The following CR1L variants were observed in gnomAD, a reference collection of about 807,000 sequenced individuals.
CR1L encodes the protein complement component receptor 1-like protein.
Under a neutral mutation model 62.3 loss-of-function variants are expected in CR1L, and 59 were observed. The ratio of observed to expected loss-of-function variants is 0.95; its 90% CI spans 0.77 to 1.18. The LOEUF (loss-of-function observed/expected upper bound fraction) is 1.18, where lower values mean the gene tolerates loss of function less well. Ranked by LOEUF, CR1L falls within the 50% of genes most tolerant of loss-of-function variation. The pLI, the probability that CR1L is intolerant of heterozygous loss-of-function variation, is 0.00. For synonymous variants in CR1L, 279 were observed against 248.7 expected (o/e 1.12, Z -1.15); for missense variants, 700 against 702.8 (o/e 1.00, Z 0.04).
At chr1:207,649,825 T>C (rs1488249310) in intron 1 of CR1L, among the ~76,000 whole-genome samples, 3 of 152,226 alleles carry the variant, frequency 2.0e-5, no homozygotes, top group Non-Finnish European at 4.4e-5. Flanking sequence ...CTCTGTCATA[T>C]AAATACTGCT....
chr1:207,662,609 A>G (rs1663443089), intron 1 of CR1L, among the ~76,000 whole-genome samples: 1 of 152,050 alleles, frequency 6.6e-6, no homozygotes, highest in Non-Finnish European at 1.5e-5. Flanking sequence ...CCTTTAGCTC[A>G]GAGTAGTTTG....
intron 1 of CR1L, among the ~76,000 whole-genome samples, chr1:207,651,905 T>TCAGA (rs1344884760): frequency 2.6e-5 from 4 of 152,248 alleles, no homozygotes; most frequent in African/African-American, 9.6e-5. Context: ...TATTCACTTG[T>TCAGA]CAGATGCTCA....
intron 1 of CR1L, chr1:207,669,388 C>G: frequency 9.7e-7 from 1 of 1,035,942 alleles, no homozygotes; most frequent in South Asian, 1.3e-5. Flanking sequence ...CTGCGCTTTT[C>G]CTCTTATTTC....
intron 10 of CR1L, among the ~76,000 whole-genome samples, chr1:207,716,075 A>C (rs1422524783): frequency 6.6e-6 from 1 of 152,242 alleles, no homozygotes; most frequent in Non-Finnish European, 1.5e-5. Context: ...ATTGAATGAC[A>C]TAGGGCTTCC....
chr1:207,678,265 C>T lies in CR1L; in HGVS notation c.345C>T (p.Phe115=), dbSNP rs374070385. 1.3e-4 allele frequency: 212 copies of T among 1,613,596 alleles called. No individual in the cohort carries two copies. The East Asian group carries it at 2.1e-3, about 16-fold the overall frequency. The part of the protein sequence containing the change: ...GMAHVIKDIQ[F]RSQIKYSCPK... ...CACATGTGATCAAAGACATCCAGTT[C>T]AGATCCCAAATTAAATATTCTTGTC... Residue 115 remains phenylalanine, a synonymous_variant, in exon 3 of 12, where the codon TTC becomes TTT. Coordinates refer to ENST00000508064, the MANE Select transcript of CR1L (RefSeq NM_175710.2).
In CR1L at chr1:207,677,555, G is replaced by A; in HGVS notation, c.264G>A (p.Lys88=). 1.2e-6 allele frequency: 2 copies of A among 1,613,672 alleles called. No individual in the cohort carries two copies. Among genetic ancestry groups the A allele is most frequent in the Non-Finnish European group, 1.7e-6 (2 of 1,179,762 alleles). ...AAAACTCAGTCTGGACAAGTGCTAA[G>A]GACAAGTGCAAACGTAAGTAACTCT... ...CLKNSVWTSA[K]DKCKRKSCRN... Residue 88 remains lysine, a synonymous_variant, in exon 2 of 12, where the codon AAG becomes AAA. Transcript: ENST00000508064.
rs371052617 is a variant in CR1L at position 207,717,669 on chromosome 1, C to G, written c.1620C>G (p.Arg540=). The G allele has an allele frequency of 1.2e-5, 19 of 1,613,888 alleles. No homozygotes were observed. Among genetic ancestry groups the G allele is most frequent in the Non-Finnish European group, 1.6e-5 (19 of 1,179,904 alleles). ...GGGTTTGGAGCAGCCCTGCCCCTCGCTGTGAACTTCCTGTTGGTGCTGGTC... is the reference window on the plus strand; with the variant it reads ...GGGTTTGGAGCAGCCCTGCCCCTCGGTGTGAACTTCCTGTTGGTGCTGGTC... The part of the protein sequence containing the change: ...GNGVWSSPAP[R]CELPVGAGSH... The change falls in exon 11 of 12, where the codon CGC becomes CGG. Residue 540 remains arginine, a synonymous_variant. Coordinates refer to ENST00000508064, the MANE Select transcript of CR1L (RefSeq NM_175710.2).
At chr1:207,722,629 T>C (rs1452403847) in intron 11 of CR1L, among the ~76,000 whole-genome samples, 1 of 152,190 alleles carries the variant, frequency 6.6e-6, no homozygotes, top group Non-Finnish European at 1.5e-5. Context: ...GGTAGTGTGA[T>C]AAAGTACCCT....
At chr1:207,720,029 C>T (rs1654094694) in intron 11 of CR1L, among the ~76,000 whole-genome samples, 1 of 152,192 alleles carries the variant, frequency 6.6e-6, no homozygotes, top group Admixed American at 6.5e-5. Flanking sequence ...AGGTCCCAAA[C>T]ACCAGATAAT....
intron 1 of CR1L, among the ~76,000 whole-genome samples, chr1:207,648,027 G>A (rs1453000982): frequency 1.3e-5 from 2 of 152,078 alleles, no homozygotes; most frequent in Non-Finnish European, 2.9e-5. Context: ...AGCCAGGTGT[G>A]ATGTTGCATG....
chr1:207,657,587 C>A (rs1663336706), intron 1 of CR1L, among the ~76,000 whole-genome samples: 1 of 150,834 alleles, frequency 6.6e-6, no homozygotes, highest in African/African-American at 2.4e-5. Context: ...TTTGAAAGAC[C>A]AAAAAAAATA....
intron 11 of CR1L, among the ~76,000 whole-genome samples, chr1:207,720,755 T>G (rs887708841): frequency 1.3e-5 from 2 of 152,230 alleles, no homozygotes; most frequent in Non-Finnish European, 2.9e-5. Flanking sequence ...AGAAAACATG[T>G]AAAAACTAAC....
rs57006663 is a variant in CR1L, at chr1:207,710,824, A to G, written c.1414+2561A>G. The stretch of plus-strand genomic sequence containing the variant: ...GGCCTAGAAGGGCCCTGCAAGTGAC[A>G]TGCATTGCTGTTGGATCAGGAGATG... On this transcript the variant is annotated intron_variant, in intron 10 of 11. Coordinates refer to ENST00000508064, the MANE Select transcript of CR1L (RefSeq NM_175710.2). The G allele has an allele frequency of 3.9e-3, 5,802 of 1,482,514 alleles. 201 individuals are homozygous for G. The African/African-American group carries it at 0.074, about 19-fold the overall frequency. The allele number at this position is 1,482,514 out of a possible 1,614,324, so 91.8% of individuals were successfully genotyped here.
At chr1:207,713,897 C>A (rs963893083) in intron 10 of CR1L, among the ~76,000 whole-genome samples, 1 of 152,244 alleles carries the variant, frequency 6.6e-6, no homozygotes, top group African/African-American at 2.4e-5. Flanking sequence ...GCTGACTTGG[C>A]CTGCATCTCC....
In CR1L at chr1:207,645,133, G is replaced by T. The variant is rs1663095219; in HGVS notation, c.-101G>T. Reference sequence around the variant, plus strand: ...CCTGGAAACTGTGAGTTTGGGGATTGTTGTGTCCACTAACCGGACTCAGAA... The same window carrying T: ...CCTGGAAACTGTGAGTTTGGGGATTTTTGTGTCCACTAACCGGACTCAGAA... On this transcript the variant is annotated 5_prime_UTR_variant, in exon 1 of 12. Coordinates refer to ENST00000508064, the MANE Select transcript of CR1L (RefSeq NM_175710.2). 6.2e-6 allele frequency: 7 copies of T among 1,129,270 alleles called. No homozygotes were observed. Among genetic ancestry groups the T allele is most frequent in the Non-Finnish European group, 9.1e-6 (7 of 766,766 alleles). The allele number at this position is 1,129,270 out of a possible 1,614,324, so 70.0% of individuals were successfully genotyped here. A position where few individuals can be genotyped will look rare whatever the true frequency, so the allele number is the denominator to read the frequency against.
At chr1:207,711,855 C>G (rs1288464577) in intron 10 of CR1L, among the ~76,000 whole-genome samples, 3 of 150,822 alleles carry the variant, frequency 2.0e-5, no homozygotes, top group African/African-American at 7.4e-5. Flanking sequence ...GCTAAGATCA[C>G]ACGACTGTGC....
chr1:207,660,158 G>A (rs1403468976), intron 1 of CR1L, among the ~76,000 whole-genome samples: 1 of 152,260 alleles, frequency 6.6e-6, no homozygotes, highest in Non-Finnish European at 1.5e-5. Flanking sequence ...TGACAGCTCT[G>A]AAGAGAGCAG....
At position 207,710,484 on chromosome 1, in the gene CR1L, T is replaced by C. The variant is rs988249076; in HGVS notation, c.1414+2221T>C. On this transcript the variant is annotated intron_variant, in intron 10 of 11. Coordinates refer to ENST00000508064, the MANE Select transcript of CR1L (RefSeq NM_175710.2). ...TCAGTGGTGACCTACCACTGCAATC[T>C]TGGAAGCAGAGGGAGAAAGGTGTTT... is the stretch of plus-strand genomic sequence containing the variant. 8 of 1,606,490 alleles carry C rather than the reference T, an allele frequency of 5.0e-6. No homozygotes were observed. In the Admixed American group the frequency reaches 1.0e-4, roughly 20 times the overall value.
chr1:207,710,533 A>T (rs1387382623), intron 10 of CR1L: 1 of 1,609,120 alleles, frequency 6.2e-7, no homozygotes, highest in African/African-American at 1.3e-5. Flanking sequence ...AGCCCTCCAT[A>T]TACTGCACCA....
Sources: allele counts gnomAD v4.1 joint callset (sites outside exome capture counted in the v4.1 genomes callset), GRCh38; gene constraint gnomAD v4.1.1; transcripts MANE v1.5; gene names NCBI Gene and HGNC (gene_info 2026-07-23, HGNC 2026-07-21).